PTPN2: variants seen among roughly 807,000 people sequenced by gnomAD.
PTPN2 encodes protein tyrosine phosphatase non-receptor type 2, also known as tyrosine-protein phosphatase non-receptor type 2.
Under a neutral mutation model 57.3 loss-of-function variants are expected in PTPN2, and 19 were observed. That is an observed-to-expected ratio of 0.33 (90% CI 0.23 to 0.49). PTPN2 has a LOEUF of 0.49. PTPN2 is among the 20% of genes least tolerant of loss of function. PTPN2 has a pLI of 0.99. For synonymous variants in PTPN2, 153 were observed against 164.9 expected (o/e 0.93, Z 0.55); for missense variants, 358 against 501.1 (o/e 0.71, Z 2.73).
chr18:12,864,124 AT>A (rs1161394688), intron 1 of PTPN2: 2 of 152,170 alleles, frequency 1.3e-5, no homozygotes, highest in Non-Finnish European at 2.9e-5. Flanking sequence ...TGGAAAGATA[AT>A]ATATGACATA....
intron 2 of PTPN2, chr18:12,840,695 G>C: frequency 3.1e-6 from 5 of 1,597,522 alleles, no homozygotes; most frequent in Non-Finnish European, 4.2e-6. Context: ...ACCTAGATTT[G>C]TGCAATTTAA....
At chr18:12,880,323 G>C (rs1197412977) in intron 1 of PTPN2, among the ~76,000 whole-genome samples, 1 of 152,178 alleles carries the variant, frequency 6.6e-6, no homozygotes, top group Non-Finnish European at 1.5e-5. Context: ...AGGCCATGAG[G>C]TCTTGTGAGC....
intron 1 of PTPN2, among the ~76,000 whole-genome samples, chr18:12,867,049 A>T (rs1256864612): frequency 1.3e-5 from 2 of 151,120 alleles, no homozygotes; most frequent in Non-Finnish European, 2.9e-5. Flanking sequence ...AAACAAAAAC[A>T]CTCTGGGCCA....
chr18:12,824,731 C>T (rs1201501873), intron 5 of PTPN2, among the ~76,000 whole-genome samples: 2 of 152,108 alleles, frequency 1.3e-5, no homozygotes, highest in African/African-American at 4.8e-5. Context: ...GTTCATAACC[C>T]ACTATGTGTA....
intron 2 of PTPN2, among the ~76,000 whole-genome samples, chr18:12,843,416 T>C (rs531791672): frequency 6.6e-6 from 1 of 152,264 alleles, no homozygotes; most frequent in African/African-American, 2.4e-5. Context: ...CTTGATCATG[T>C]ATCTGTATTT....
chr18:12,805,183 G>A (rs945013149), intron 7 of PTPN2, among the ~76,000 whole-genome samples: 1 of 152,072 alleles, frequency 6.6e-6, no homozygotes, highest in Non-Finnish European at 1.5e-5. Context: ...GCGGCTGGGC[G>A]TGGTGGTTCA....
In PTPN2 at chr18:12,859,194, T is replaced by C. The variant is rs763765476; in HGVS notation, c.130A>G (p.Asn44Asp). Residue 44 changes from asparagine (N) to aspartate (D), a missense_variant, in exon 2 of 9, where the codon AAT becomes GAT. Asn to Asp is a conservative substitution (Grantham distance 23). Around this residue, in one of 4 missense-constraint regions of PTPN2, gnomAD observed 193 missense variants for 315.4 expected, o/e 0.61. Coordinates refer to ENST00000309660, the MANE Select transcript of PTPN2 (RefSeq NM_002828.4). ...HRVAKFPENR[N>D]RNRYRDVSPY... ...CTTACATCTCTGTATCTGTTTCGATTTCTGTTTTCTGGAAACTTGGCCACT... is the reference window on the plus strand; with the variant it reads ...CTTACATCTCTGTATCTGTTTCGATCTCTGTTTTCTGGAAACTTGGCCACT... 1.9e-6 allele frequency: 3 copies of C among 1,613,526 alleles called. No individual in the cohort carries two copies. The South Asian group carries it at 3.3e-5, about 18-fold the overall frequency.
chr18:12,858,780 A>G (rs1474292508), intron 2 of PTPN2, among the ~76,000 whole-genome samples: 3 of 152,166 alleles, frequency 2.0e-5, no homozygotes, highest in Non-Finnish European at 4.4e-5. Flanking sequence ...TTGGGGAAGG[A>G]AAAAAACCAA....
intron 1 of PTPN2, among the ~76,000 whole-genome samples, chr18:12,881,070 T>C (rs2044652214): frequency 6.6e-6 from 1 of 152,216 alleles, no homozygotes; most frequent in Non-Finnish European, 1.5e-5. Context: ...TCCAACCGAC[T>C]ACTGCCCTGT....
At chr18:12,805,534 C>G (rs144435431) in intron 7 of PTPN2, among the ~76,000 whole-genome samples, 35 of 151,608 alleles carry the variant, frequency 2.3e-4, no homozygotes, top group African/African-American at 8.5e-4. Flanking sequence ...TGTGCCTCAA[C>G]ACAAAGCCAC....
intron 7 of PTPN2, among the ~76,000 whole-genome samples, chr18:12,803,692 C>T (rs1472752543): frequency 1.3e-5 from 2 of 152,148 alleles, no homozygotes; most frequent in Non-Finnish European, 2.9e-5. Context: ...TTTTAAATAT[C>T]TATGCACACA....
intron 1 of PTPN2, among the ~76,000 whole-genome samples, chr18:12,878,331 GAAAAAGAAAA>G (rs1320104493): frequency 7.0e-6 from 1 of 142,372 alleles, no homozygotes; most frequent in Non-Finnish European, 1.5e-5. Flanking sequence ...AGAAAAGAAA[GAAAAAGAAAA>G]AAAAAGAAAG....
chr18:12,874,650 C>T (rs1402121728), intron 1 of PTPN2, among the ~76,000 whole-genome samples: 11 of 146,338 alleles, frequency 7.5e-5, no homozygotes, highest in East Asian at 4.2e-4. Context: ...GTCAGCCCCC[C>T]GCCCGGCCAG....
intron 2 of PTPN2, among the ~76,000 whole-genome samples, chr18:12,844,188 G>A (rs1358454010): frequency 6.6e-6 from 1 of 152,204 alleles, no homozygotes; most frequent in African/African-American, 2.4e-5. Context: ...CCCACTGAAG[G>A]ACATGTGGGT....
intron 3 of PTPN2, among the ~76,000 whole-genome samples, chr18:12,836,079 A>C (rs767943639): frequency 6.6e-5 from 10 of 152,256 alleles, no homozygotes; most frequent in Non-Finnish European, 1.5e-4. Context: ...GTTTTCAAAA[A>C]TCTCAAATAT....
intron 4 of PTPN2, 35 bp downstream of exon 4, chr18:12,830,908 A>G: frequency 1.4e-6 from 2 of 1,433,702 alleles, no homozygotes; most frequent in South Asian, 1.2e-5. Flanking sequence ...GATCACATAC[A>G]GTATACTAAG....
At position 12,866,937 on chromosome 18, in the gene PTPN2, G is replaced by A. The variant is rs150738578; in HGVS notation, c.70-7683C>T. 5.9e-5 allele frequency among the ~76,000 whole-genome samples: 9 copies of A among 151,968 alleles called. No homozygotes were observed. The East Asian group carries it at 7.7e-4, about 13-fold the overall frequency. The stretch of plus-strand genomic sequence containing the variant: ...GGAGAATTGCTTGAACCCAGAAGGC[G>A]GTGGTTGCAGTGAGCCGAGATCGCG... On this transcript the variant is annotated intron_variant, in intron 1 of 8. Coordinates refer to ENST00000309660, the MANE Select transcript of PTPN2 (RefSeq NM_002828.4).
intron 5 of PTPN2, chr18:12,819,258 G>C (rs1366074441): frequency 6.8e-7 from 1 of 1,462,830 alleles, no homozygotes; most frequent in East Asian, 2.5e-5. Flanking sequence ...TTCAAATACA[G>C]TGTGATCCAC....
At chr18:12,840,725 A>G in intron 2 of PTPN2, 1 of 1,598,452 alleles carries the variant, frequency 6.3e-7, no homozygotes, top group Non-Finnish European at 8.5e-7. Context: ...TATTTCCTGC[A>G]TTCTGCATTC....
Sources: gnomAD v4.1 joint callset for allele counts (sites outside exome capture counted in the v4.1 genomes callset) on GRCh38, gnomAD v4.1.1 for gene constraint, gnomAD v4.1.1 regional missense constraint, MANE v1.5 for transcripts, NCBI Gene and HGNC (gene_info 2026-07-23, HGNC 2026-07-21) for gene names.